DYM: variants seen among roughly 807,000 people sequenced by gnomAD.
The protein encoded by DYM is dyggve-Melchior-Clausen syndrome protein.
A neutral mutation model predicts 93.1 loss-of-function variants in DYM; 78 were observed. That is an observed-to-expected ratio of 0.84 (90% CI 0.70 to 1.01). DYM has a LOEUF of 1.01. DYM is among the 50% of genes least tolerant of loss of function. The pLI is 0.00. For missense variants in DYM, 789 were observed against 845.0 expected (o/e 0.93, Z 0.82); for synonymous variants, 321 against 319.7 (o/e 1.00, Z -0.04).
At chr18:49,286,979 T>A (rs1298891231) in intron 8 of DYM, among the ~76,000 whole-genome samples, 1 of 151,984 alleles carries the variant, frequency 6.6e-6, no homozygotes, top group Non-Finnish European at 1.5e-5. Context: ...GACCAAGAGG[T>A]CAGGACTTCG....
At chr18:49,339,820 G>C (rs977527526) in intron 6 of DYM, among the ~76,000 whole-genome samples, 6 of 152,294 alleles carry the variant, frequency 3.9e-5, no homozygotes, top group Non-Finnish European at 5.9e-5. Context: ...TGAACAACAC[G>C]AAACATCCAT....
At chr18:49,405,522 G>A (rs769170748) in intron 2 of DYM, among the ~76,000 whole-genome samples, 5 of 152,038 alleles carry the variant, frequency 3.3e-5, no homozygotes, top group African/African-American at 7.2e-5. Flanking sequence ...ATTTTTGTCC[G>A]CTTTGACAAA....
chr18:49,246,759 T>C (rs1428522325), intron 13 of DYM, among the ~76,000 whole-genome samples: 2 of 152,228 alleles, frequency 1.3e-5, no homozygotes, highest in South Asian at 2.1e-4. Context: ...TTATGACACA[T>C]GTACAAAGCA....
At chr18:49,153,100 C>T (rs2086003717) in intron 15 of DYM, among the ~76,000 whole-genome samples, 2 of 152,136 alleles carry the variant, frequency 1.3e-5, no homozygotes, top group Non-Finnish European at 2.9e-5. Flanking sequence ...GAGAGTAGAT[C>T]ATAAGTGTTC....
intron 2 of DYM, among the ~76,000 whole-genome samples, chr18:49,421,697 A>G (rs575651375): frequency 1.3e-5 from 2 of 152,338 alleles, no homozygotes. Context: ...CGGTAATAAC[A>G]AACTTCTCCG....
intron 6 of DYM, among the ~76,000 whole-genome samples, chr18:49,356,511 C>T (rs1201407779): frequency 2.0e-5 from 3 of 152,164 alleles, no homozygotes; most frequent in Admixed American, 2.0e-4. Flanking sequence ...TAGTCACCCC[C>T]CAACCCTACC....
At chr18:49,254,542 T>C (rs952510158) in intron 13 of DYM, among the ~76,000 whole-genome samples, 1 of 152,068 alleles carries the variant, frequency 6.6e-6, no homozygotes, top group African/African-American at 2.4e-5. Flanking sequence ...CTAAACTATG[T>C]TTCTTATTTC....
At chr18:49,142,798 A>T (rs547951290) in intron 15 of DYM, among the ~76,000 whole-genome samples, 1 of 152,326 alleles carries the variant, frequency 6.6e-6, no homozygotes, top group East Asian at 1.9e-4. Flanking sequence ...ATCTGCTGCA[A>T]TCACCAACAC....
intron 13 of DYM, among the ~76,000 whole-genome samples, chr18:49,243,232 C>T (rs2094075932): frequency 6.6e-6 from 1 of 152,124 alleles, no homozygotes; most frequent in Admixed American, 6.5e-5. Context: ...ACAATAAGCT[C>T]TCTGAAGACA....
chr18:49,276,825 G>T (rs6507895), intron 10 of DYM, among the ~76,000 whole-genome samples: 1 of 151,982 alleles, frequency 6.6e-6, no homozygotes, highest in African/African-American at 2.4e-5. Flanking sequence ...CTGGAAACAG[G>T]ATAAAAAATA....
chr18:49,047,480 C>T (rs1662121), intron 17 of DYM, among the ~76,000 whole-genome samples: 133,744 of 152,246 alleles, frequency 0.88, 59,307 homozygotes, highest in Middle Eastern at 0.96. Flanking sequence ...CTTGCTGACA[C>T]GAGTCAGAGT....
At chr18:49,363,540 A>G (rs2147369528) in intron 5 of DYM, among the ~76,000 whole-genome samples, 1 of 152,332 alleles carries the variant, frequency 6.6e-6, no homozygotes, top group African/African-American at 2.4e-5. Flanking sequence ...TCTTTCAATG[A>G]AATCTTACAT....
intron 15 of DYM, among the ~76,000 whole-genome samples, chr18:49,159,709 C>T (rs899497648): frequency 4.6e-5 from 7 of 152,114 alleles, no homozygotes; most frequent in Admixed American, 4.6e-4. Flanking sequence ...TAGTGAGACC[C>T]AATCTCTACA....
intron 15 of DYM, among the ~76,000 whole-genome samples, chr18:49,121,077 C>G (rs2082334769): frequency 6.6e-6 from 1 of 152,138 alleles, no homozygotes; most frequent in Admixed American, 6.5e-5. Flanking sequence ...ACAAAGTCAT[C>G]AGCAGAATAT....
chr18:49,044,477 T>C (rs1226668091), intron 17 of DYM, among the ~76,000 whole-genome samples: 2 of 152,052 alleles, frequency 1.3e-5, no homozygotes, highest in Non-Finnish European at 2.9e-5. Context: ...ACCCCAACAG[T>C]GGTTAAGGTA....
In DYM at chr18:49,441,040, AAATATATAATATAT is replaced by A. The variant is rs2081418296; in HGVS notation, c.-53-10607_-53-10594del. On this transcript the variant is annotated intron_variant, in intron 1 of 17. Transcript: ENST00000675505. ...TTATATATATTTATATATAATATAT[AAATATATAATATAT>A]TTATATATATTATATATAAATATTA... Among the ~76,000 whole-genome samples, 5 of 7,566 alleles carry A rather than the reference AAATATATAATATAT, an allele frequency of 6.6e-4. 1 individual carries two copies. Among genetic ancestry groups the A allele is most frequent in the Non-Finnish European group, 1.4e-3 (5 of 3,686 alleles). The allele number at this position is 7,566 out of a possible 152,430, so 5.0% of individuals were successfully genotyped here.
chr18:49,067,422 C>T (rs988653216), intron 17 of DYM, among the ~76,000 whole-genome samples: 6 of 134,926 alleles, frequency 4.4e-5, no homozygotes, highest in South Asian at 2.4e-4. Context: ...TATGGAGGTT[C>T]AGTAGAGGAA....
chr18:49,044,177 C>G lies in DYM; in HGVS notation c.2053G>C (p.Val685Leu), dbSNP rs757286463. 4 of 1,614,190 alleles carry G rather than the reference C, an allele frequency of 2.5e-6. No individual in the cohort carries two copies. The highest frequency in any genetic ancestry group is 2.5e-6 in the Non-Finnish European group (3 of 1,180,034). The change falls in exon 18 of 18, where the codon GTG becomes CTG. Residue 685 changes from valine (V) to leucine (L), a missense_variant. Val to Leu is a conservative substitution (Grantham distance 32). Around this residue, in one of 3 missense-constraint regions of DYM, gnomAD observed 114 missense variants for 105.8 expected, o/e 1.08. Coordinates refer to ENST00000675505, the MANE Select transcript of DYM (RefSeq NM_001353214.3). ...KKFPELKFKY[V>L]EEEQPEEFFI... ...AACTCCTCGGGCTGCTCCTCTTCCA[C>G]ATATTTGAATTTCAATTCTGGAAAT...
At chr18:49,068,087 G>A (rs1342144199) in intron 17 of DYM, among the ~76,000 whole-genome samples, 1 of 152,256 alleles carries the variant, frequency 6.6e-6, no homozygotes, top group Non-Finnish European at 1.5e-5. Flanking sequence ...GCAATGACTA[G>A]TAATAGTTGG....
Sources: allele counts gnomAD v4.1 joint callset (sites outside exome capture counted in the v4.1 genomes callset), GRCh38; gene constraint gnomAD v4.1.1; regional missense constraint gnomAD v4.1.1; transcripts MANE v1.5; gene names NCBI Gene and HGNC (gene_info 2026-07-23, HGNC 2026-07-21).